Variants in SGK2 observed in about 807,000 individuals in gnomAD.
The protein encoded by SGK2 is serum/glucocorticoid regulated kinase 2, also known as serine/threonine-protein kinase Sgk2.
A neutral mutation model predicts 47.5 loss-of-function variants in SGK2; 36 were observed. The ratio of observed to expected loss-of-function variants is 0.76; its 90% CI spans 0.58 to 1.00. The LOEUF is 1.00. Ranked by LOEUF, SGK2 falls within the 50% of genes least tolerant of loss-of-function variation. The probability of loss-of-function intolerance (pLI) is 0.00; values close to 1 mark genes in which losing one functional copy is unlikely to be tolerated. For synonymous variants in SGK2, 157 were observed against 181.9 expected, an observed-to-expected ratio of 0.86 and a Z score of 1.10; for missense variants, 404 against 467.4, an observed-to-expected ratio of 0.86 and a Z score of 1.25.
intron 10 of SGK2, 50 bp from the exon 11 acceptor site, chr20:43,576,174 G>A: frequency 6.2e-7 from 1 of 1,601,184 alleles, no homozygotes; most frequent in Non-Finnish European, 8.5e-7. Context: ...CCCCGAGCCT[G>A]TGTTCACTTT....
intron 11 of SGK2, among the ~76,000 whole-genome samples, chr20:43,577,826 G>T (rs968558180): frequency 1.3e-5 from 2 of 151,776 alleles, no homozygotes; most frequent in African/African-American, 4.8e-5. Context: ...TATTTTTTTA[G>T]TAGAGACGGG....
In SGK2 at chr20:43,559,096, GAA is replaced by G. The variant is rs1205730161; in HGVS notation, c.-86_-85del. 6.6e-6 allele frequency: 1 copy of G among 152,346 alleles called. No homozygotes were observed. The highest frequency in any genetic ancestry group is 1.5e-5 in the Non-Finnish European group (1 of 68,176). 9.4% of individuals were successfully genotyped at this position (152,346 alleles called of 1,614,324 possible). ...CAGTCAGAAGGACCATGAAGAGAGA[GAA>G]GAGGGCAGAGCCGTGCATGGGGCTG... On this transcript the variant is annotated 5_prime_UTR_variant, in exon 1 of 13. The change abolishes the stop of an existing upstream ORF in the 5' untranslated region. Transcript: ENST00000373100.
chr20:43,584,049 A>G (rs769563335), intron 12 of SGK2, among the ~76,000 whole-genome samples: 2 of 152,038 alleles, frequency 1.3e-5, no homozygotes, highest in Non-Finnish European at 2.9e-5. Flanking sequence ...GCTCTCTCAT[A>G]TCTGTGGTCA....
chr20:43,566,377 G>A, intron 1 of SGK2, 96 bp from the exon 2 acceptor site: 1 of 1,614,162 alleles, frequency 6.2e-7, no homozygotes, highest in Non-Finnish European at 8.5e-7. Context: ...ACAGGTAGGG[G>A]AGGATGGAGA....
chr20:43,578,407 C>T (rs1272530523), intron 11 of SGK2, among the ~76,000 whole-genome samples: 1 of 152,052 alleles, frequency 6.6e-6, no homozygotes. Context: ...ATTGCTTGAA[C>T]CTGGGGGTGG....
intron 1 of SGK2, chr20:43,564,678 A>T (rs574343526): frequency 6.5e-6 from 1 of 152,748 alleles, no homozygotes; most frequent in African/African-American, 2.4e-5. Flanking sequence ...GCATATTCAC[A>T]TACAAAGATA....
chr20:43,579,974 T>C lies in SGK2; in HGVS notation c.852T>C (p.Leu284=), dbSNP rs1323697235. The C allele has an allele frequency of 1.2e-6, 2 of 1,601,034 alleles. No homozygotes were observed. The highest frequency in any genetic ancestry group is 1.1e-5 in the South Asian group (1 of 90,812). ...RQRLGSKADF[L]EIKNHVFFSP... The stretch of plus-strand genomic sequence containing the variant: ...CCTTTTTTCTGCACTTCCTGCAGCT[T>C]GAGATTAAGAACCATGTATTCTTCA... Residue 284 remains leucine, a splice_region_variant and synonymous_variant, in exon 12 of 13, where the codon CTT becomes CTC. Coordinates refer to ENST00000373100, the MANE Select transcript of SGK2 (RefSeq NM_170693.3).
intron 8 of SGK2, 85 bp from the exon 9 acceptor site, chr20:43,571,966 G>GT (rs1269795269): frequency 1.1e-6 from 1 of 896,502 alleles, no homozygotes. Flanking sequence ...CTGCCCTGGG[G>GT]TGTGGCATCT....
intron 10 of SGK2, among the ~76,000 whole-genome samples, chr20:43,575,615 G>C (rs1486916200): frequency 3.3e-5 from 5 of 152,152 alleles, no homozygotes; most frequent in African/African-American, 1.2e-4. Context: ...AGTCCTGATA[G>C]GTTGTGGAGC....
At position 43,566,545 on chromosome 20, in the gene SGK2, G is replaced by A. The variant is rs1342550815; in HGVS notation, c.36+14G>A. On this transcript the variant is annotated intron_variant, in intron 2 of 12. Coordinates refer to ENST00000373100, the MANE Select transcript of SGK2 (RefSeq NM_170693.3). ...CCAAGTCCACAGGTGAGTGGTTCTT[G>A]GTCCCCCACCCATCATCGGGGGCTC... 1 of 1,579,220 alleles carries A rather than the reference G, an allele frequency of 6.3e-7. No individual in the cohort carries two copies. Among genetic ancestry groups the A allele is most frequent in the Admixed American group, 1.7e-5 (1 of 58,658 alleles).
rs1308152929 is a variant in SGK2, at chr20:43,572,513, TA to T, written c.597+381del. On this transcript the variant is annotated intron_variant, in intron 9 of 12. Coordinates refer to ENST00000373100, the MANE Select transcript of SGK2 (RefSeq NM_170693.3). The surrounding 1 kb of genome is among the most constrained non-coding windows in gnomAD (Gnocchi z 4.2). ...TAACATGGTGAAACCCCATCTCTAC[TA>T]AAAATACAAAAAATTAGCTGGGCAC... 3.3e-5 allele frequency among the ~76,000 whole-genome samples: 5 copies of T among 151,936 alleles called. No homozygotes were observed. Among genetic ancestry groups the T allele is most frequent in the African/African-American group, 4.8e-5 (2 of 41,350 alleles).
chr20:43,560,376 G>A (rs766229146), intron 1 of SGK2, among the ~76,000 whole-genome samples: 6 of 151,928 alleles, frequency 3.9e-5, no homozygotes, highest in African/African-American at 1.2e-4. Context: ...ACACATGCCC[G>A]TAATCCCAGC....
intron 1 of SGK2, among the ~76,000 whole-genome samples, chr20:43,560,468 C>CA (rs1979312643): frequency 6.7e-6 from 1 of 149,588 alleles, no homozygotes; most frequent in African/African-American, 2.5e-5. Flanking sequence ...CACTGCACTC[C>CA]AGCCTGGGCG....
At chr20:43,560,651 A>G (rs1300314522) in intron 1 of SGK2, among the ~76,000 whole-genome samples, 1 of 152,222 alleles carries the variant, frequency 6.6e-6, no homozygotes, top group African/African-American at 2.4e-5. Flanking sequence ...GTACCCCTAC[A>G]ACACCTACTA....
intron 11 of SGK2, among the ~76,000 whole-genome samples, chr20:43,578,266 C>T (rs559020299): frequency 1.3e-5 from 2 of 152,176 alleles, no homozygotes; most frequent in South Asian, 4.2e-4. Flanking sequence ...GGGCGGATCA[C>T]CTGAGGTCAG....
chr20:43,575,730 C>G (rs1600996602), intron 10 of SGK2, among the ~76,000 whole-genome samples: 1 of 152,106 alleles, frequency 6.6e-6, no homozygotes, highest in East Asian at 1.9e-4. Flanking sequence ...ATAGCTTGGT[C>G]CCTAGGAAGG....
At chr20:43,575,464 C>CAAAAA (rs11471675) in intron 10 of SGK2, among the ~76,000 whole-genome samples, 2 of 116,746 alleles carry the variant, frequency 1.7e-5, no homozygotes, top group African/African-American at 6.7e-5. Flanking sequence ...GACTCTGTCT[C>CAAAAA]AAAAAAAAAA....
At chr20:43,578,984 C>G (rs1980628279) in intron 11 of SGK2, among the ~76,000 whole-genome samples, 1 of 151,382 alleles carries the variant, frequency 6.6e-6, no homozygotes, top group African/African-American at 2.4e-5. Context: ...ACCAATGTTA[C>G]CAATTTCTTG....
At chr20:43,564,251 C>T (rs543638760) in intron 1 of SGK2, among the ~76,000 whole-genome samples, 46 of 152,372 alleles carry the variant, frequency 3.0e-4, no homozygotes, top group African/African-American at 1.1e-3. Context: ...GGCCAGAGCC[C>T]TTGAGGGGCC....
Sources: allele counts gnomAD v4.1 joint callset (sites outside exome capture counted in the v4.1 genomes callset), GRCh38; gene constraint gnomAD v4.1.1; non-coding constraint Gnocchi (gnomAD v3.1); transcripts MANE v1.5; gene names NCBI Gene and HGNC (gene_info 2026-07-23, HGNC 2026-07-21).